FAM227B: variants seen among roughly 807,000 people sequenced by gnomAD.
FAM227B encodes the protein protein FAM227B.
In FAM227B, 88 loss-of-function variants were observed where a neutral mutation model predicts 73.8. That is an observed-to-expected ratio of 1.19 (90% confidence interval 1.00 to 1.42). The LOEUF (loss-of-function observed/expected upper bound fraction) is 1.42. FAM227B is among the 40% of genes most tolerant of loss of function. The probability of loss-of-function intolerance (pLI) is 0.00; values close to 1 mark genes in which losing one functional copy is unlikely to be tolerated. For synonymous variants in FAM227B, 210 were observed against 190.5 expected (o/e 1.10, Z -0.84); for missense variants, 632 against 590.9 (o/e 1.07, Z -0.72).
At chr15:49,556,237 AT>A (rs559614277) in intron 9 of FAM227B, among the ~76,000 whole-genome samples, 9 of 151,156 alleles carry the variant, frequency 6.0e-5, no homozygotes, top group South Asian at 2.1e-4. Context: ...CTTTCTTTGG[AT>A]TTTTTTTTCT....
At chr15:49,620,428 A>C (rs1273367524) in intron 1 of FAM227B, among the ~76,000 whole-genome samples, 1 of 152,210 alleles carries the variant, frequency 6.6e-6, no homozygotes, top group Non-Finnish European at 1.5e-5. Context: ...GGGGAGAGGC[A>C]CGGACAAATG....
At chr15:49,533,003 C>T (rs1327125784) in intron 10 of FAM227B, among the ~76,000 whole-genome samples, 2 of 151,860 alleles carry the variant, frequency 1.3e-5, no homozygotes, top group African/African-American at 4.8e-5. Context: ...GTTTGTGGTG[C>T]ACATTTTTGT....
intron 11 of FAM227B, among the ~76,000 whole-genome samples, chr15:49,459,698 T>A (rs1395230661): frequency 1.3e-5 from 2 of 152,180 alleles, no homozygotes; most frequent in Admixed American, 6.5e-5. Flanking sequence ...AAAATGACTG[T>A]ACACATTTTC....
intron 11 of FAM227B, among the ~76,000 whole-genome samples, chr15:49,389,595 C>T (rs1311521254): frequency 2.8e-5 from 4 of 144,682 alleles, no homozygotes; most frequent in African/African-American, 7.9e-5. Flanking sequence ...TGTAATTCAT[C>T]CATCCATGTA....
chr15:49,514,287 C>T (rs1192886286), intron 10 of FAM227B, among the ~76,000 whole-genome samples: 3 of 151,904 alleles, frequency 2.0e-5, no homozygotes, highest in East Asian at 1.9e-4. Context: ...CAGTGGTTTG[C>T]AGCTCTCCTT....
At chr15:49,415,051 A>G (rs1321442772) in intron 11 of FAM227B, among the ~76,000 whole-genome samples, 1 of 152,112 alleles carries the variant, frequency 6.6e-6, no homozygotes, top group Non-Finnish European at 1.5e-5. Flanking sequence ...TTTCTTCTTT[A>G]CTATCATAAT....
chr15:49,472,972 A>G (rs1238081531), intron 11 of FAM227B, among the ~76,000 whole-genome samples: 1 of 152,190 alleles, frequency 6.6e-6, no homozygotes, highest in African/African-American at 2.4e-5. Context: ...CCAAATTATA[A>G]ACAGAATTAA....
chr15:49,334,772 G>A (rs891832807), intron 14 of FAM227B, among the ~76,000 whole-genome samples: 2 of 152,092 alleles, frequency 1.3e-5, no homozygotes, highest in Non-Finnish European at 1.5e-5. Flanking sequence ...ACCCAAAAGG[G>A]AGGATCATCC....
intron 11 of FAM227B, among the ~76,000 whole-genome samples, chr15:49,384,318 C>G (rs749040069): frequency 1.8e-4 from 28 of 152,054 alleles, no homozygotes; most frequent in Non-Finnish European, 1.9e-4. Context: ...GTAGCAAAAA[C>G]TGCTATATAT....
At chr15:49,438,841 G>GAGAC (rs2051345872) in intron 11 of FAM227B, among the ~76,000 whole-genome samples, 2 of 151,188 alleles carry the variant, frequency 1.3e-5, no homozygotes, top group Admixed American at 1.3e-4. Flanking sequence ...AACTGAGAGA[G>GAGAC]AGAGTGGGTG....
intron 6 of FAM227B, 76 bp from the exon 7 acceptor site, chr15:49,576,921 G>A (rs2075482262): frequency 1.3e-6 from 1 of 755,344 alleles, no homozygotes; most frequent in Admixed American, 2.7e-5. Flanking sequence ...AACTACAGAA[G>A]ACCAACATTT....
At chr15:49,506,428 A>G (rs2058588137) in intron 11 of FAM227B, among the ~76,000 whole-genome samples, 1 of 152,094 alleles carries the variant, frequency 6.6e-6, no homozygotes, top group Non-Finnish European at 1.5e-5. Flanking sequence ...CTGACTTGAT[A>G]CAGAAGATCT....
chr15:49,514,432 T>A (rs983603299), intron 10 of FAM227B, among the ~76,000 whole-genome samples: 1 of 152,144 alleles, frequency 6.6e-6, no homozygotes, highest in Admixed American at 6.6e-5. Context: ...GCTTGTGATG[T>A]TTGTATATTG....
chr15:49,436,484 C>T (rs1226172601), intron 11 of FAM227B, among the ~76,000 whole-genome samples: 3 of 151,506 alleles, frequency 2.0e-5, no homozygotes, highest in African/African-American at 7.2e-5. Flanking sequence ...TTTTTTCCCT[C>T]AATGAAAACA....
intron 10 of FAM227B, among the ~76,000 whole-genome samples, chr15:49,509,028 T>C (rs1192556503): frequency 6.6e-6 from 1 of 152,132 alleles, no homozygotes; most frequent in East Asian, 1.9e-4. Flanking sequence ...GGGGAGAGTC[T>C]TTATTGTGCT....
intron 11 of FAM227B, among the ~76,000 whole-genome samples, chr15:49,449,726 G>A (rs1404447026): frequency 6.6e-6 from 1 of 151,910 alleles, no homozygotes; most frequent in East Asian, 1.9e-4. Context: ...CTATACTTGT[G>A]CAATTGCTTT....
intron 11 of FAM227B, among the ~76,000 whole-genome samples, chr15:49,442,528 T>C (rs2051761238): frequency 6.6e-6 from 1 of 151,686 alleles, no homozygotes; most frequent in African/African-American, 2.4e-5. Context: ...GGTCTTTCCA[T>C]CTATTATATT....
At chr15:49,501,861 C>T (rs531420444) in intron 11 of FAM227B, among the ~76,000 whole-genome samples, 142 of 152,328 alleles carry the variant, frequency 9.3e-4, no homozygotes, top group African/African-American at 3.3e-3. Context: ...GGCCCAGGGA[C>T]CTGCTGTCCT....
At chr15:49,585,146 A>G (rs888455111) in intron 5 of FAM227B, among the ~76,000 whole-genome samples, 6 of 152,112 alleles carry the variant, frequency 3.9e-5, no homozygotes, top group East Asian at 1.9e-4. Flanking sequence ...ATGAGATACC[A>G]TCTCACACCA....
Sources: gnomAD v4.1 joint callset for allele counts (sites outside exome capture counted in the v4.1 genomes callset) on GRCh38, gnomAD v4.1.1 for gene constraint, MANE v1.5 for transcripts, NCBI Gene and HGNC (gene_info 2026-07-23, HGNC 2026-07-21) for gene names.